Variants in RAD51B observed in about 807,000 individuals in gnomAD.
The protein encoded by RAD51B is DNA repair protein RAD51 homolog 2.
In RAD51B, 38 loss-of-function variants were observed where a neutral mutation model predicts 42.2. The ratio of observed to expected loss-of-function variants is 0.90; its 90% CI spans 0.70 to 1.18. The LOEUF (loss-of-function observed/expected upper bound fraction) is 1.18, where lower values mean the gene tolerates loss of function less well. Among genes scored for constraint, RAD51B ranks in the 50% most tolerant of loss-of-function variants. The probability of loss-of-function intolerance (pLI) is 0.00; values close to 1 mark genes in which losing one functional copy is unlikely to be tolerated. For missense variants in RAD51B, 373 were observed against 400.7 expected (o/e 0.93, Z 0.59); for synonymous variants, 154 against 145.2 (o/e 1.06, Z -0.43).
chr14:68,250,760 G>C (rs916105303), intron 7 of RAD51B, among the ~76,000 whole-genome samples: 3 of 152,120 alleles, frequency 2.0e-5, no homozygotes, highest in South Asian at 2.1e-4. Flanking sequence ...TGAGGGTCTG[G>C]GGTCTAACAG....
At chr14:68,422,101 T>G in intron 9 of RAD51B, 2 of 1,482,598 alleles carry the variant, frequency 1.3e-6, no homozygotes, top group Non-Finnish European at 1.9e-6. Context: ...AATTTTCTGC[T>G]GTCTTTGGGA....
chr14:68,169,322 T>C (rs2078819590), intron 7 of RAD51B, among the ~76,000 whole-genome samples: 2 of 152,150 alleles, frequency 1.3e-5, no homozygotes, highest in Admixed American at 1.3e-4. Flanking sequence ...TGCTTTCATT[T>C]GTTGTTGTCG....
At chr14:67,913,805 C>G (rs2044064659) in intron 7 of RAD51B, among the ~76,000 whole-genome samples, 1 of 151,952 alleles carries the variant, frequency 6.6e-6, no homozygotes, top group South Asian at 2.1e-4. Context: ...TCTAGTTATA[C>G]TGTTTTAGTT....
chr14:67,826,756 C>T (rs1197862936), intron 3 of RAD51B, among the ~76,000 whole-genome samples: 2 of 146,038 alleles, frequency 1.4e-5, no homozygotes, highest in Non-Finnish European at 1.5e-5. Context: ...GATCTCGGCT[C>T]AGTGCAGCCT....
chr14:68,113,187 C>G (rs2077486257), intron 7 of RAD51B, among the ~76,000 whole-genome samples: 1 of 151,850 alleles, frequency 6.6e-6, no homozygotes, highest in Admixed American at 6.6e-5. Context: ...CAATATTGTC[C>G]CTATTGTAAA....
chr14:68,287,093 C>T (rs1220166963), intron 7 of RAD51B, among the ~76,000 whole-genome samples: 3 of 152,188 alleles, frequency 2.0e-5, no homozygotes, highest in Admixed American at 2.0e-4. Context: ...GCAGTTCATC[C>T]CATCTTTAAC....
At chr14:68,351,526 C>T (rs149974565) in intron 8 of RAD51B, among the ~76,000 whole-genome samples, 8 of 152,282 alleles carry the variant, frequency 5.3e-5, no homozygotes, top group African/African-American at 1.9e-4. Context: ...TAACAAATTA[C>T]AGCCCTGACC....
intron 9 of RAD51B, among the ~76,000 whole-genome samples, chr14:68,457,700 G>T (rs1286138409): frequency 1.3e-5 from 2 of 151,662 alleles, no homozygotes; most frequent in African/African-American, 2.4e-5. Context: ...CTGGGTTCAA[G>T]CGATTCTCCT....
chr14:68,195,998 G>A (rs2079364916), intron 7 of RAD51B, among the ~76,000 whole-genome samples: 1 of 151,078 alleles, frequency 6.6e-6, no homozygotes, highest in African/African-American at 2.4e-5. Flanking sequence ...GAGGTCAGGA[G>A]TTCAAGACCA....
intron 7 of RAD51B, among the ~76,000 whole-genome samples, chr14:68,288,809 C>T (rs2081461352): frequency 1.3e-5 from 2 of 152,124 alleles, no homozygotes; most frequent in Non-Finnish European, 1.5e-5. Context: ...TCATTGGAGT[C>T]CCAATCATTT....
chr14:68,442,786 ATATTAT>A (rs112886411), intron 9 of RAD51B, among the ~76,000 whole-genome samples: 4 of 150,552 alleles, frequency 2.7e-5, no homozygotes, highest in African/African-American at 7.3e-5. Context: ...CTAACCTGTG[ATATTAT>A]TATTATTATT....
At chr14:68,000,181 T>C (rs556811359) in intron 7 of RAD51B, 1 of 152,286 alleles carries the variant, frequency 6.6e-6, no homozygotes, top group Non-Finnish European at 1.5e-5. Context: ...GCTGATCTTT[T>C]CTTAACCACT....
intron 7 of RAD51B, among the ~76,000 whole-genome samples, chr14:68,178,206 C>T (rs1189274679): frequency 6.6e-6 from 1 of 152,062 alleles, no homozygotes; most frequent in Admixed American, 6.6e-5. Flanking sequence ...AATTGTTTAG[C>T]CTGTGGACCT....
At chr14:68,271,474 ATAT>A (rs1263832600) in intron 7 of RAD51B, among the ~76,000 whole-genome samples, 1 of 152,206 alleles carries the variant, frequency 6.6e-6, no homozygotes, top group African/African-American at 2.4e-5. Context: ...TATAAAATGA[ATAT>A]TATAGCACCT....
At chr14:68,259,589 A>G (rs1388780096) in intron 7 of RAD51B, among the ~76,000 whole-genome samples, 1 of 152,220 alleles carries the variant, frequency 6.6e-6, no homozygotes, top group Non-Finnish European at 1.5e-5. Flanking sequence ...CTGAAGAAGA[A>G]TTAGACAAGG....
At chr14:68,597,463 T>C (rs972760245), downstream of RAD51B, among the ~76,000 whole-genome samples, 2 of 152,168 alleles carry the variant, frequency 1.3e-5, no homozygotes, top group African/African-American at 4.8e-5. Flanking sequence ...TATGCAGCCA[T>C]AAAAAGAACA....
chr14:67,975,525 A>G (rs989343189), intron 7 of RAD51B, among the ~76,000 whole-genome samples: 1 of 152,242 alleles, frequency 6.6e-6, no homozygotes, highest in Non-Finnish European at 1.5e-5. Context: ...ATCCTTAACC[A>G]AATTAAATAT....
At chr14:68,453,108 A>G (rs2085599526) in intron 9 of RAD51B, among the ~76,000 whole-genome samples, 1 of 152,148 alleles carries the variant, frequency 6.6e-6, no homozygotes, top group Non-Finnish European at 1.5e-5. Flanking sequence ...TATTAAGATA[A>G]TGTTACTAAA....
chr14:68,154,694 C>CTT (rs80143095), intron 7 of RAD51B, among the ~76,000 whole-genome samples: 7 of 141,692 alleles, frequency 4.9e-5, no homozygotes, highest in African/African-American at 5.2e-5. Flanking sequence ...TAGAACTTTC[C>CTT]TTTTTTTTTT....
Sources: gnomAD v4.1 joint callset for allele counts (sites outside exome capture counted in the v4.1 genomes callset) on GRCh38, gnomAD v4.1.1 for gene constraint, MANE v1.5 for transcripts, NCBI Gene and HGNC (gene_info 2026-07-23, HGNC 2026-07-21) for gene names.